The following PRELID2 variants were observed in gnomAD, a reference collection of about 807,000 sequenced individuals.
The protein encoded by PRELID2 is PRELI domain-containing protein 2.
PRELID2 carries 25 observed loss-of-function variants against 28.4 expected under a neutral mutation model. The observed-to-expected ratio is 0.88, with a 90% CI of 0.64 to 1.23. The LOEUF (loss-of-function observed/expected upper bound fraction) is 1.23, where lower values mean the gene tolerates loss of function less well. Ranked by LOEUF, PRELID2 falls within the 50% of genes most tolerant of loss-of-function variation. The pLI is 0.00. For missense variants in PRELID2, 201 were observed against 214.4 expected (o/e 0.94, Z 0.39); for synonymous variants, 76 against 71.6 (o/e 1.06, Z -0.31).
the PRELID2 span, among the ~76,000 whole-genome samples, chr5:145,448,211 T>C: frequency 4.6e-5 from 7 of 151,588 alleles, 1 homozygote; most frequent in African/African-American, 1.7e-4. Flanking sequence ...TTTGCATTTC[T>C]CTGATGGCCA....
rs139044621 is a variant in PRELID2, at chr5:145,710,156, G to A, written n.70+54775C>T. Among the ~76,000 whole-genome samples, 669 of 152,192 alleles carry A rather than the reference G, an allele frequency of 4.4e-3. 5 individuals carry two copies. The highest frequency in any genetic ancestry group is 0.014 in the African/African-American group (595 of 41,522). On this transcript the variant is annotated intron_variant and non_coding_transcript_variant, in intron 1 of 2. Transcript: ENST00000510259. ...ATTTTTCCTCCATGAAGGTTTGGACGTGTGCCAAGACACTGTCTACTTTGC... is the reference window on the plus strand; with the variant it reads ...ATTTTTCCTCCATGAAGGTTTGGACATGTGCCAAGACACTGTCTACTTTGC...
chr5:145,531,644 G>A (rs908385089), intron 1 of PRELID2, among the ~76,000 whole-genome samples: 4 of 152,098 alleles, frequency 2.6e-5, no homozygotes, highest in South Asian at 2.1e-4. Context: ...ACTGTGCATC[G>A]GCAAGGCCAT....
chr5:145,556,283 T>A (rs1254626993), intron 1 of PRELID2, among the ~76,000 whole-genome samples: 3 of 152,098 alleles, frequency 2.0e-5, no homozygotes, highest in Non-Finnish European at 4.4e-5. Flanking sequence ...GAGCACCTAA[T>A]GTGTAATTGA....
intron 1 of PRELID2, among the ~76,000 whole-genome samples, chr5:145,487,744 T>A (rs1752230500): frequency 6.6e-6 from 1 of 152,110 alleles, no homozygotes; most frequent in African/African-American, 2.4e-5. Flanking sequence ...GAAGGAAGGG[T>A]ATCAGGTTTA....
chr5:145,508,999 A>C (rs540591034), intron 1 of PRELID2, among the ~76,000 whole-genome samples: 3 of 152,146 alleles, frequency 2.0e-5, no homozygotes, highest in African/African-American at 7.2e-5. Context: ...AGTCTGTAAA[A>C]AACTGAAATG....
the PRELID2 span, among the ~76,000 whole-genome samples, chr5:145,317,719 C>T: frequency 5.9e-5 from 9 of 152,316 alleles, no homozygotes; most frequent in Admixed American, 3.9e-4. Flanking sequence ...GAAAGTTCTT[C>T]TGAGGTTCAC....
chr5:145,263,932 C>T, the PRELID2 span, among the ~76,000 whole-genome samples: 6 of 151,952 alleles, frequency 3.9e-5, no homozygotes, highest in South Asian at 1.3e-3. Flanking sequence ...TCTCTGTCAC[C>T]CAGCCTGGAG....
At chr5:145,379,465 C>A in the PRELID2 span, among the ~76,000 whole-genome samples, 242 of 152,226 alleles carry the variant, frequency 1.6e-3, 5 homozygotes, top group East Asian at 0.039. Flanking sequence ...AGGCAGGGTG[C>A]TTGTGGGCAC....
the PRELID2 span, among the ~76,000 whole-genome samples, chr5:145,429,704 A>C: frequency 6.6e-6 from 1 of 151,890 alleles, no homozygotes; most frequent in South Asian, 2.1e-4. Context: ...CCCAAGTACC[A>C]GAAATATGAT....
the PRELID2 span, among the ~76,000 whole-genome samples, chr5:145,329,669 G>A: frequency 6.6e-6 from 1 of 152,166 alleles, no homozygotes; most frequent in African/African-American, 2.4e-5. Context: ...GTCCACTTAA[G>A]GAGATTTTGG....
intron 1 of PRELID2, among the ~76,000 whole-genome samples, chr5:145,654,485 T>C (rs1162219711): frequency 1.3e-5 from 2 of 152,186 alleles, no homozygotes; most frequent in African/African-American, 4.8e-5. Context: ...TGAACATTGA[T>C]GCAAAAATCC....
intron 1 of PRELID2, among the ~76,000 whole-genome samples, chr5:145,474,942 T>TATTATGCAC (rs1373741260): frequency 6.6e-6 from 1 of 152,178 alleles, no homozygotes; most frequent in African/African-American, 2.4e-5. Flanking sequence ...TCACCATGCA[T>TATTATGCAC]ATTAAATGAA....
intron 1 of PRELID2, among the ~76,000 whole-genome samples, chr5:145,554,129 G>T (rs998543016): frequency 6.6e-6 from 1 of 152,172 alleles, no homozygotes; most frequent in African/African-American, 2.4e-5. Flanking sequence ...TCAAGAGGGA[G>T]TCCCAGGCTG....
chr5:145,740,219 A>C (rs2149735445), intron 1 of PRELID2, among the ~76,000 whole-genome samples: 1 of 139,418 alleles, frequency 7.2e-6, no homozygotes, highest in Non-Finnish European at 1.5e-5. Flanking sequence ...GTGCAAAGAA[A>C]AGTACTAGGG....
chr5:145,715,824 T>G (rs189531316), intron 1 of PRELID2, among the ~76,000 whole-genome samples: 1 of 152,350 alleles, frequency 6.6e-6, no homozygotes, highest in East Asian at 1.9e-4. Context: ...AGAGAAGGCT[T>G]TCTTGACCAT....
intron 1 of PRELID2, among the ~76,000 whole-genome samples, chr5:145,600,255 T>C (rs1339584505): frequency 6.6e-6 from 1 of 151,174 alleles, no homozygotes; most frequent in Non-Finnish European, 1.5e-5. Flanking sequence ...TATGGCACAA[T>C]AGGTATTCCA....
chr5:145,708,550 A>AT (rs991035371), intron 1 of PRELID2, among the ~76,000 whole-genome samples: 10 of 152,164 alleles, frequency 6.6e-5, no homozygotes, highest in Non-Finnish European at 8.8e-5. Context: ...AATAAGCATT[A>AT]TTTTTGTAGG....
intron 6 of PRELID2, among the ~76,000 whole-genome samples, chr5:145,762,596 A>G (rs1239608724): frequency 6.6e-6 from 1 of 152,160 alleles, no homozygotes; most frequent in Non-Finnish European, 1.5e-5. Flanking sequence ...GTAATGCTGT[A>G]AACTTGTTTA....
At position 145,594,335 on chromosome 5, in the gene PRELID2, G is replaced by A. The variant is rs1753272883; in HGVS notation, n.71-121020C>T. 2.0e-5 allele frequency among the ~76,000 whole-genome samples: 3 copies of A among 152,018 alleles called. No homozygotes were observed. In the South Asian group the frequency reaches 6.2e-4, roughly 32 times the overall value. ...ACTGATAAAAAGTATCAGTTTGTTT[G>A]GTGTTTTTTTTGTTTTGAGTCAGTG... On this transcript the variant is annotated intron_variant and non_coding_transcript_variant, in intron 1 of 2. Transcript: ENST00000510259.
Sources: gnomAD v4.1 joint callset for allele counts (sites outside exome capture counted in the v4.1 genomes callset) on GRCh38, gnomAD v4.1.1 for gene constraint, MANE v1.5 for transcripts, NCBI Gene and HGNC (gene_info 2026-07-23, HGNC 2026-07-21) for gene names.